SLC35F3: variants seen among roughly 807,000 people sequenced by gnomAD.
SLC35F3 encodes the protein solute carrier family 35 member F3.
SLC35F3 carries 25 observed loss-of-function variants against 49.9 expected under a neutral mutation model. The ratio of observed to expected loss-of-function variants is 0.50; its 90% CI spans 0.37 to 0.70. The LOEUF (loss-of-function observed/expected upper bound fraction) is 0.70, where lower values mean the gene tolerates loss of function less well. Among genes scored for constraint, SLC35F3 ranks in the 30% least tolerant of loss-of-function variants. The pLI, the probability that SLC35F3 is intolerant of heterozygous loss-of-function variation, is 0.00. For missense variants in SLC35F3, 525 were observed against 639.8 expected (o/e 0.82, Z 1.94); for synonymous variants, 275 against 265.4 (o/e 1.04, Z -0.35).
rs1161120530 is a variant in SLC35F3 at position 234,076,003 on chromosome 1, G to A, written c.284-155414G>A. 2.1e-5 allele frequency among the ~76,000 whole-genome samples: 3 copies of A among 140,734 alleles called. No homozygotes were observed. The South Asian group carries it at 6.3e-4, about 30-fold the overall frequency. The allele number at this position is 140,734 out of a possible 152,430, so 92.3% of individuals were successfully genotyped here. Reference sequence around the variant, plus strand: ...TCAGCTTTGGAGAAAGGCACAGACCGCAGACTGTTTTCTGTGATTCCATGT... The same window carrying A: ...TCAGCTTTGGAGAAAGGCACAGACCACAGACTGTTTTCTGTGATTCCATGT... On this transcript the variant is annotated intron_variant, in intron 2 of 7. Coordinates refer to ENST00000366618, the MANE Select transcript of SLC35F3 (RefSeq NM_173508.4).
chr1:234,188,763 A>G (rs1280996130), intron 2 of SLC35F3, among the ~76,000 whole-genome samples: 2 of 152,126 alleles, frequency 1.3e-5, no homozygotes, highest in Non-Finnish European at 1.5e-5. Context: ...ACAATAAACA[A>G]CAATAATATA....
At position 234,309,332 on chromosome 1, in the gene SLC35F3, A is replaced by G; in HGVS notation, c.828+12A>G. The G allele has an allele frequency of 6.2e-7, 1 of 1,612,152 alleles. No individual in the cohort carries two copies. The highest frequency in any genetic ancestry group is 8.5e-7 in the Non-Finnish European group (1 of 1,178,466). On this transcript the variant is annotated intron_variant, in intron 4 of 7. Coordinates refer to ENST00000366618, the MANE Select transcript of SLC35F3 (RefSeq NM_173508.4). ...TCATGGGAGTGAGGGTAAGTTCCTTATTATCTGTCTTCCTCCCTCACTCAG... is the reference window on the plus strand; with the variant it reads ...TCATGGGAGTGAGGGTAAGTTCCTTGTTATCTGTCTTCCTCCCTCACTCAG...
At chr1:234,208,867 C>A (rs1477615877) in intron 2 of SLC35F3, among the ~76,000 whole-genome samples, 3 of 152,152 alleles carry the variant, frequency 2.0e-5, no homozygotes, top group African/African-American at 7.2e-5. Flanking sequence ...GAAAAACAAA[C>A]AAGAGAGTGG....
chr1:234,082,867 C>T (rs574568978), intron 2 of SLC35F3, among the ~76,000 whole-genome samples: 1 of 152,276 alleles, frequency 6.6e-6, no homozygotes, highest in South Asian at 2.1e-4. Flanking sequence ...TTGGGCCCCT[C>T]CTACAACACC....
intron 2 of SLC35F3, among the ~76,000 whole-genome samples, chr1:233,973,093 C>G (rs1022946584): frequency 6.6e-6 from 1 of 152,198 alleles, no homozygotes; most frequent in Non-Finnish European, 1.5e-5. Context: ...CCTTGGGTCA[C>G]GATAAAATCA....
intron 2 of SLC35F3, among the ~76,000 whole-genome samples, chr1:233,984,240 G>C (rs1663231300): frequency 6.6e-6 from 1 of 152,138 alleles, no homozygotes; most frequent in Non-Finnish European, 1.5e-5. Context: ...TGTAAGATTT[G>C]GGCTAAAACC....
chr1:234,281,178 G>A (rs962598299), intron 3 of SLC35F3, among the ~76,000 whole-genome samples: 2 of 152,124 alleles, frequency 1.3e-5, no homozygotes, highest in African/African-American at 4.8e-5. Flanking sequence ...AAGTAATTAG[G>A]TAAAAGTGAG....
At chr1:233,955,326 A>G (rs562953288) in intron 2 of SLC35F3, among the ~76,000 whole-genome samples, 46 of 152,046 alleles carry the variant, frequency 3.0e-4, no homozygotes, top group Non-Finnish European at 6.0e-4. Context: ...AATAAAATGG[A>G]CTTCCTTTAT....
At chr1:234,256,977 C>CT (rs1334982053) in intron 3 of SLC35F3, among the ~76,000 whole-genome samples, 5 of 152,172 alleles carry the variant, frequency 3.3e-5, no homozygotes, top group African/African-American at 1.2e-4. Flanking sequence ...ATTTATGAAC[C>CT]TTGTCACTCT....
In SLC35F3 at chr1:234,323,360, T is replaced by C; in HGVS notation, c.*117T>C. On this transcript the variant is annotated 3_prime_UTR_variant, in exon 8 of 8. Coordinates refer to ENST00000366618, the MANE Select transcript of SLC35F3 (RefSeq NM_173508.4). The surrounding 1 kb of genome is among the most constrained non-coding windows in gnomAD (Gnocchi z 4.5). Reference sequence around the variant, plus strand: ...TTTTGGTCATCTGCGGTAAGTTCTATGGTATTTATTGGCATGTCCAATTTG... The same window carrying C: ...TTTTGGTCATCTGCGGTAAGTTCTACGGTATTTATTGGCATGTCCAATTTG... The C allele has an allele frequency of 1.3e-6, 1 of 794,008 alleles. No homozygotes were observed. Among genetic ancestry groups the C allele is most frequent in the East Asian group, 2.7e-5 (1 of 37,166 alleles). 49.2% of individuals were successfully genotyped at this position (794,008 alleles called of 1,614,324 possible). A position where few individuals can be genotyped will look rare whatever the true frequency, so the allele number is the denominator to read the frequency against.
intron 2 of SLC35F3, among the ~76,000 whole-genome samples, chr1:234,126,912 GT>G (rs1665656929): frequency 6.6e-6 from 1 of 152,124 alleles, no homozygotes; most frequent in African/African-American, 2.4e-5. Context: ...GCTTAAGCTG[GT>G]CTCAAACTCT....
Position 234,320,406 on chromosome 1 carries a change from A to G in SLC35F3, c.1237+219A>G, listed in dbSNP as rs571962730. 1.4e-3 allele frequency among the ~76,000 whole-genome samples: 217 copies of G among 152,326 alleles called. No individual in the cohort carries two copies. Among genetic ancestry groups the G allele is most frequent in the Non-Finnish European group, 2.5e-3 (172 of 68,030 alleles). ...GCGTGTTTAACTGTCTGCCAAAAAA[A>G]AAGCATTTAGGTGAAATGTTGCTAT... is the stretch of plus-strand genomic sequence containing the variant. On this transcript the variant is annotated intron_variant, in intron 7 of 7. Coordinates refer to ENST00000366618, the MANE Select transcript of SLC35F3 (RefSeq NM_173508.4). The surrounding 1 kb of genome is among the most constrained non-coding windows in gnomAD (Gnocchi z 4.8).
chr1:234,137,003 G>A (rs568655353), intron 2 of SLC35F3, among the ~76,000 whole-genome samples: 48 of 152,322 alleles, frequency 3.2e-4, no homozygotes, highest in African/African-American at 1.0e-3. Flanking sequence ...CTGGATTCCC[G>A]GTTTGGTACT....
chr1:234,212,895 C>T (rs1214279563), intron 2 of SLC35F3: 4 of 152,074 alleles, frequency 2.6e-5, no homozygotes, highest in Non-Finnish European at 4.4e-5. Flanking sequence ...TGGAACGTTT[C>T]CTGTAAGAGG....
chr1:234,124,046 A>G (rs2102894756), intron 2 of SLC35F3, among the ~76,000 whole-genome samples: 1 of 152,318 alleles, frequency 6.6e-6, no homozygotes, highest in African/African-American at 2.4e-5. Flanking sequence ...ATGATGTCAC[A>G]GGAAACAGAG....
At chr1:234,265,640 A>C (rs1667967674) in intron 3 of SLC35F3, among the ~76,000 whole-genome samples, 1 of 152,000 alleles carries the variant, frequency 6.6e-6, no homozygotes, top group African/African-American at 2.4e-5. Flanking sequence ...TCACAAGGTT[A>C]GCCTCCCAAG....
intron 3 of SLC35F3, among the ~76,000 whole-genome samples, chr1:234,266,649 A>G (rs889626006): frequency 6.6e-6 from 1 of 152,180 alleles, no homozygotes; most frequent in African/African-American, 2.4e-5. Flanking sequence ...CCTGCTGCAC[A>G]CCTAGGCTAT....
chr1:234,192,232 A>G (rs1164866124), intron 2 of SLC35F3, among the ~76,000 whole-genome samples: 4 of 152,244 alleles, frequency 2.6e-5, no homozygotes, highest in Non-Finnish European at 4.4e-5. Context: ...ATCCAACAGC[A>G]TATCAGAAAG....
intron 2 of SLC35F3, among the ~76,000 whole-genome samples, chr1:234,109,308 G>A (rs12755395): frequency 0.14 from 21,181 of 152,168 alleles, 3,209 homozygotes; most frequent in East Asian, 0.81. Flanking sequence ...GGAACACGGA[G>A]GCCATTTCTA....
Sources: gnomAD v4.1 joint callset for allele counts (sites outside exome capture counted in the v4.1 genomes callset) on GRCh38, gnomAD v4.1.1 for gene constraint, Gnocchi (gnomAD v3.1) non-coding constraint, MANE v1.5 for transcripts, NCBI Gene and HGNC (gene_info 2026-07-23, HGNC 2026-07-21) for gene names.